The following KTN1 variants were observed in gnomAD, a reference collection of about 807,000 sequenced individuals.
KTN1 encodes the protein kinectin 1.
In KTN1, 130 loss-of-function variants were observed where a neutral mutation model predicts 222.5. The observed-to-expected ratio is 0.58, with a 90% CI of 0.51 to 0.68. The LOEUF (loss-of-function observed/expected upper bound fraction) is 0.68, where lower values mean the gene tolerates loss of function less well. Among genes scored for constraint, KTN1 ranks in the 30% least tolerant of loss-of-function variants. KTN1 has a pLI of 0.00. For missense variants in KTN1, 1,508 were observed against 1,500.4 expected, an observed-to-expected ratio of 1.01 and a Z score of -0.08; for synonymous variants, 512 against 496.3, an observed-to-expected ratio of 1.03 and a Z score of -0.42.
chr14:55,668,878 G>A (rs1465506308), intron 34 of KTN1: 1 of 151,994 alleles, frequency 6.6e-6, no homozygotes, highest in African/African-American at 2.4e-5. Context: ...AGTAAGGAGA[G>A]AAAACTCCTT....
intron 1 of KTN1, among the ~76,000 whole-genome samples, chr14:55,605,914 T>C (rs2036657748): frequency 6.6e-6 from 1 of 152,158 alleles, no homozygotes; most frequent in Non-Finnish European, 1.5e-5. Flanking sequence ...TGTAGAGTAC[T>C]TACCATAAAT....
intron 21 of KTN1, 131 bp downstream of exon 21, chr14:55,649,001 C>A (rs1166085584): frequency 1.1e-5 from 7 of 639,438 alleles, no homozygotes; most frequent in Non-Finnish European, 1.7e-5. Flanking sequence ...TCATAACTCA[C>A]CGTAACCTCG....
chr14:55,587,828 A>T (rs2033333813), intron 1 of KTN1, among the ~76,000 whole-genome samples: 1 of 152,140 alleles, frequency 6.6e-6, no homozygotes, highest in Admixed American at 6.5e-5. Flanking sequence ...TCATTTCTTA[A>T]ATAGCTTCCA....
intron 33 of KTN1, among the ~76,000 whole-genome samples, chr14:55,664,632 GAGTATGTAA>G (rs2044499617): frequency 6.6e-6 from 1 of 152,070 alleles, no homozygotes; most frequent in Non-Finnish European, 1.5e-5. Context: ...CTCTTGACCA[GAGTATGTAA>G]AGTACTCCTG....
At chr14:55,678,732 G>A (rs2046108046) in intron 42 of KTN1, 1 of 325,100 alleles carries the variant, frequency 3.1e-6, no homozygotes. Flanking sequence ...GATGAGTGGT[G>A]GGTGAATGAC....
intron 31 of KTN1, among the ~76,000 whole-genome samples, chr14:55,661,085 A>G (rs1317743543): frequency 6.6e-6 from 1 of 152,202 alleles, no homozygotes; most frequent in Non-Finnish European, 1.5e-5. Context: ...TCATTTTAAT[A>G]TTATACTTTT....
chr14:55,608,383 A>AAT (rs780298580), intron 1 of KTN1, among the ~76,000 whole-genome samples: 18 of 152,218 alleles, frequency 1.2e-4, no homozygotes, highest in Non-Finnish European at 1.8e-4. Context: ...CTAGAGTATT[A>AAT]AGGCAAATGA....
chr14:55,586,356 C>G (rs1253426151), intron 1 of KTN1, among the ~76,000 whole-genome samples: 1 of 152,142 alleles, frequency 6.6e-6, no homozygotes, highest in Non-Finnish European at 1.5e-5. Context: ...GTAGTTGCCT[C>G]ATAAGTGATA....
At chr14:55,644,333 C>T (rs573202832) in intron 18 of KTN1, 24 of 700,112 alleles carry the variant, frequency 3.4e-5, no homozygotes, top group Non-Finnish European at 5.5e-5. Context: ...CCTTTTACCC[C>T]ATGGATTTTT....
intron 28 of KTN1, among the ~76,000 whole-genome samples, chr14:55,655,474 C>CT (rs1218180031): frequency 6.6e-6 from 1 of 152,122 alleles, no homozygotes; most frequent in Non-Finnish European, 1.5e-5. Context: ...TGCTTTCTGG[C>CT]ATTGGGGATA....
intron 1 of KTN1, among the ~76,000 whole-genome samples, chr14:55,606,934 CTT>C: frequency 6.6e-6 from 1 of 152,228 alleles, no homozygotes; most frequent in African/African-American, 2.4e-5. Flanking sequence ...GCATTACAAT[CTT>C]AATTATTTTA....
At chr14:55,644,135 A>G (rs901569803) in intron 18 of KTN1, 2 of 376,978 alleles carry the variant, frequency 5.3e-6, no homozygotes, top group South Asian at 6.4e-5. Context: ...ATCTTGGCAG[A>G]CAAAGAATCA....
chr14:55,641,638 T>A lies in KTN1; in HGVS notation c.2104-54T>A, dbSNP rs1179632291. The A allele has an allele frequency of 3.6e-6, 4 of 1,101,984 alleles. No homozygotes were observed. The Admixed American group carries it at 7.0e-5, about 19-fold the overall frequency. The allele number at this position is 1,101,984 out of a possible 1,614,324, so 68.3% of individuals were successfully genotyped here. A position where few individuals can be genotyped will look rare whatever the true frequency, so the allele number is the denominator to read the frequency against. ...TTGTTCAAAAACCCATTCAAATGAT[T>A]GCTTTATTACCTTTTTTCTTAATAA... On this transcript the variant is annotated intron_variant, in intron 17 of 43. Transcript: ENST00000395314.
chr14:55,582,798 T>C (rs1306521494), intron 1 of KTN1, among the ~76,000 whole-genome samples: 2 of 152,152 alleles, frequency 1.3e-5, no homozygotes, highest in African/African-American at 4.8e-5. Flanking sequence ...ATGAGAAAAA[T>C]CGTGCTTTGC....
At position 55,637,291 on chromosome 14, in the gene KTN1, A is replaced by G. The variant is rs1168161824; in HGVS notation, c.1643A>G (p.Gln548Arg). Residue 548 changes from glutamine (Q) to arginine (R), a missense_variant, in exon 11 of 44, where the codon CAA becomes CGA. Transcript: ENST00000395314. ...TTGGTATCAAAACAACAGTTGGAGC[A>G]AAGACTAATGCAGTTAATGGAATCA... The part of the protein sequence containing the change: ...DTLVSKQQLE[Q>R]RLMQLMESEQ... The G allele has an allele frequency of 3.7e-6, 6 of 1,612,244 alleles. No homozygotes were observed. The African/African-American group carries it at 8.0e-5, about 22-fold the overall frequency.
chr14:55,607,125 C>T (rs1482138298), intron 1 of KTN1, among the ~76,000 whole-genome samples: 1 of 152,022 alleles, frequency 6.6e-6, no homozygotes, highest in African/African-American at 2.4e-5. Context: ...TTTTAGGTTT[C>T]ACTTCTTTGT....
At chr14:55,675,147 A>C (rs2045784091) in intron 40 of KTN1, 3 of 152,192 alleles carry the variant, frequency 2.0e-5, no homozygotes, top group Non-Finnish European at 4.4e-5. Flanking sequence ...CAATTACCTT[A>C]TGAGAATAAG....
At chr14:55,633,157 A>G (rs570169979) in intron 7 of KTN1, 78 bp from the exon 8 acceptor site, 3 of 641,552 alleles carry the variant, frequency 4.7e-6, no homozygotes, top group Non-Finnish European at 7.5e-6. Context: ...TTATATTCTC[A>G]TTTTAATAAA....
chr14:55,591,156 G>A lies in KTN1; in HGVS notation c.-31+10802G>A, dbSNP rs1344357284. Among the ~76,000 whole-genome samples the A allele has an allele frequency of 2.0e-5, 3 of 151,520 alleles. No homozygotes were observed. The East Asian group carries it at 5.8e-4, about 29-fold the overall frequency. Reference sequence around the variant, plus strand: ...CTATTTGTTGCACTTGTGTCTCTAGGATAGTGTTTTTTTTCAAACTTTTTG... The same window carrying A: ...CTATTTGTTGCACTTGTGTCTCTAGAATAGTGTTTTTTTTCAAACTTTTTG... On this transcript the variant is annotated intron_variant, in intron 1 of 43. Transcript: ENST00000395314.
Sources: allele counts gnomAD v4.1 joint callset (sites outside exome capture counted in the v4.1 genomes callset), GRCh38; gene constraint gnomAD v4.1.1; transcripts MANE v1.5; gene names NCBI Gene and HGNC (gene_info 2026-07-23, HGNC 2026-07-21).